The following HPCA variants were observed in gnomAD, a reference collection of about 807,000 sequenced individuals.
HPCA encodes the protein hippocalcin.
HPCA carries 4 observed loss-of-function variants against 18.2 expected under a neutral mutation model. The ratio of observed to expected loss-of-function variants is 0.22; its 90% CI spans 0.11 to 0.50. HPCA has a LOEUF of 0.50. HPCA is among the 20% of genes least tolerant of loss of function. The probability of loss-of-function intolerance (pLI) is 0.97; values close to 1 mark genes in which losing one functional copy is unlikely to be tolerated. For missense variants in HPCA, 161 were observed against 265.8 expected (o/e 0.61, Z 2.74); for synonymous variants, 93 against 103.5 (o/e 0.90, Z 0.61).
rs946986082 is a variant in HPCA at position 32,893,939 on chromosome 1, T to C, written c.*77T>C. On this transcript the variant is annotated 3_prime_UTR_variant, in exon 4 of 4. Transcript: ENST00000373467. This position sits in a 1 kb window ranked among gnomAD's most constrained non-coding sequence, Gnocchi z 7.5. ...TTAGCTTCCACTCCCTTGTGTGTAT[T>C]CTGGCTGGGGGCCAGATTGGGGAAG... 4.5e-6 allele frequency: 5 copies of C among 1,106,720 alleles called. No homozygotes were observed. The African/African-American group carries it at 7.7e-5, about 17-fold the overall frequency. The allele number at this position is 1,106,720 out of a possible 1,614,324, so 68.6% of individuals were successfully genotyped here. A position where few individuals can be genotyped will look rare whatever the true frequency, so the allele number is the denominator to read the frequency against.
intron 2 of HPCA, among the ~76,000 whole-genome samples, chr1:32,892,819 C>A (rs1641477057): frequency 6.6e-6 from 1 of 152,204 alleles, no homozygotes; most frequent in South Asian, 2.1e-4. Flanking sequence ...ACCCAGGCTA[C>A]AGGCCAAGCC....
At position 32,889,411 on chromosome 1, in the gene HPCA, G is replaced by C. The variant is rs936560224; in HGVS notation, c.378+135G>C. ...TTCTTGCAATCCCATTTTAAAAATTGTTTTTAGGAAATATTTCCCATTTAA... is the reference window on the plus strand; with the variant it reads ...TTCTTGCAATCCCATTTTAAAAATTCTTTTTAGGAAATATTTCCCATTTAA... On this transcript the variant is annotated intron_variant, in intron 2 of 3. Coordinates refer to ENST00000373467, the MANE Select transcript of HPCA (RefSeq NM_002143.3). The surrounding 1 kb of genome is among the most constrained non-coding windows in gnomAD (Gnocchi z 4.6). 56 of 1,059,636 alleles carry C rather than the reference G, an allele frequency of 5.3e-5. No homozygotes were observed. Among genetic ancestry groups the C allele is most frequent in the Non-Finnish European group, 6.7e-5 (51 of 755,628 alleles). The allele number at this position is 1,059,636 out of a possible 1,614,324, so 65.6% of individuals were successfully genotyped here.
chr1:32,886,319 G>A (rs924412974), upstream of HPCA: 2 of 152,106 alleles, frequency 1.3e-5, no homozygotes, highest in African/African-American at 4.8e-5. This position sits in a 1 kb window ranked among gnomAD's most constrained non-coding sequence, Gnocchi z 7.0. Context: ...CTTCTCTCCG[G>A]GGCGGGGGTG....
chr1:32,886,687 C>T lies in HPCA; in HGVS notation c.-22+172C>T, dbSNP rs1468379629. On this transcript the variant is annotated intron_variant, in intron 1 of 3. Transcript: ENST00000373467. This position sits in a 1 kb window ranked among gnomAD's most constrained non-coding sequence, Gnocchi z 7.0. Reference sequence around the variant, plus strand: ...GAAGCGCGCGGTGCTCTCCAGGGTCCTGACCGCCGAGTGGCCGGCCCCTAG... The same window carrying T: ...GAAGCGCGCGGTGCTCTCCAGGGTCTTGACCGCCGAGTGGCCGGCCCCTAG... 6.6e-6 allele frequency among the ~76,000 whole-genome samples: 1 copy of T among 152,110 alleles called. No individual in the cohort carries two copies. Among genetic ancestry groups the T allele is most frequent in the Non-Finnish European group, 1.5e-5 (1 of 67,982 alleles).
chr1:32,888,879 T>C lies in HPCA; in HGVS notation c.-20T>C. The C allele has an allele frequency of 6.3e-7, 1 of 1,594,326 alleles. No individual in the cohort carries two copies. The highest frequency in any genetic ancestry group is 8.5e-7 in the Non-Finnish European group (1 of 1,170,204). ...CCCTTGACCCCCTTGGGGACCCAGGTGGGACTTGGCTCGGCGGCCATGGGC... is the reference window on the plus strand; with the variant it reads ...CCCTTGACCCCCTTGGGGACCCAGGCGGGACTTGGCTCGGCGGCCATGGGC... On this transcript the variant is annotated splice_region_variant and 5_prime_UTR_variant, in exon 2 of 4. Transcript: ENST00000373467.
intron 1 of HPCA, among the ~76,000 whole-genome samples, chr1:32,887,927 G>A (rs897661632): frequency 6.6e-6 from 1 of 152,124 alleles, no homozygotes; most frequent in Non-Finnish European, 1.5e-5. Flanking sequence ...ATGGGTGGGC[G>A]TGGGCTGGTA....
Position 32,893,673 on chromosome 1 carries a change from T to TGCCGG in HPCA, c.484+44_484+45insGCCGG. ...ACGGGGTGGACGGGGCGGGCGCCTT[T>TGCCGG]CCCTCCCTCCCTCCCTGCCTCCCTT... On this transcript the variant is annotated intron_variant, in intron 3 of 3. Transcript: ENST00000373467. This position sits in a 1 kb window ranked among gnomAD's most constrained non-coding sequence, Gnocchi z 7.5. The TGCCGG allele has an allele frequency of 7.6e-7, 1 of 1,314,130 alleles. No homozygotes were observed. 81.4% of individuals were successfully genotyped at this position (1,314,130 alleles called of 1,614,324 possible).
Position 32,893,890 on chromosome 1 carries a change from C to T in HPCA, c.*28C>T, listed in dbSNP as rs368463134. On this transcript the variant is annotated 3_prime_UTR_variant, in exon 4 of 4. Transcript: ENST00000373467. The surrounding 1 kb of genome is among the most constrained non-coding windows in gnomAD (Gnocchi z 7.5). ...GGAGCCAGGTTCCCCTTCCTCCCTCCCTTCACCGGCCCCCTCCCGGCTCTT... is the reference window on the plus strand; with the variant it reads ...GGAGCCAGGTTCCCCTTCCTCCCTCTCTTCACCGGCCCCCTCCCGGCTCTT... 48 of 1,440,334 alleles carry T rather than the reference C, an allele frequency of 3.3e-5. No homozygotes were observed. The African/African-American group carries it at 6.8e-4, about 20-fold the overall frequency. 89.2% of individuals were successfully genotyped at this position (1,440,334 alleles called of 1,614,324 possible). A position where few individuals can be genotyped will look rare whatever the true frequency, so the allele number is the denominator to read the frequency against.
At position 32,889,917 on chromosome 1, in the gene HPCA, C is replaced by T. The variant is rs545246295; in HGVS notation, c.378+641C>T. On this transcript the variant is annotated intron_variant, in intron 2 of 3. Coordinates refer to ENST00000373467, the MANE Select transcript of HPCA (RefSeq NM_002143.3). The surrounding 1 kb of genome is among the most constrained non-coding windows in gnomAD (Gnocchi z 4.6). ...TGATCCTCATTTACACCAGAGGAAA[C>T]GGATGCTCAGAGAGATAAAGGCACT... Among the ~76,000 whole-genome samples the T allele has an allele frequency of 1.1e-4, 17 of 152,318 alleles. No individual in the cohort carries two copies. The South Asian group carries it at 1.9e-3, about 17-fold the overall frequency.
At chr1:32,888,032 T>G (rs1641399341) in intron 1 of HPCA, among the ~76,000 whole-genome samples, 1 of 152,220 alleles carries the variant, frequency 6.6e-6, no homozygotes, top group African/African-American at 2.4e-5. Flanking sequence ...GCATGAGTTT[T>G]GTGGCACCTG....
rs367665276 is a variant in HPCA, at chr1:32,889,270, C to T, written c.372C>T (p.Ile124=). 35 of 1,610,380 alleles carry T rather than the reference C, an allele frequency of 2.2e-5. No homozygotes were observed. Among genetic ancestry groups the T allele is most frequent in the African/African-American group, 1.6e-4 (12 of 74,890 alleles). Residue 124 remains isoleucine, a synonymous_variant, in exon 2 of 4, where the codon ATC becomes ATT. Coordinates refer to ENST00000373467, the MANE Select transcript of HPCA (RefSeq NM_002143.3). This position sits in a 1 kb window ranked among gnomAD's most constrained non-coding sequence, Gnocchi z 4.6. The part of the protein sequence containing the change: ...GYISREEMLE[I]VQAIYKMVSS... ...TCAGCCGGGAGGAGATGCTGGAGAT[C>T]GTGCAGGTGGGCCCCTGGGCCCCTC... is the stretch of plus-strand genomic sequence containing the variant.
intron 1 of HPCA, 34 bp from the exon 2 acceptor site, chr1:32,888,844 C>T: frequency 6.4e-7 from 1 of 1,555,442 alleles, no homozygotes; most frequent in Admixed American, 1.8e-5. Flanking sequence ...GGCCTGATCA[C>T]TCCTCTCTGC....
rs1411412564 is a variant in HPCA, at chr1:32,893,800, A to G, written c.520A>G (p.Lys174Glu). The change falls in exon 4 of 4, where the codon AAA becomes GAA. Residue 174 changes from lysine (K) to glutamate (E), a missense_variant. Coordinates refer to ENST00000373467, the MANE Select transcript of HPCA (RefSeq NM_002143.3). This position sits in a 1 kb window ranked among gnomAD's most constrained non-coding sequence, Gnocchi z 7.5. ...LSLEEFIRGA[K>E]SDPSIVRLLQ... The stretch of plus-strand genomic sequence containing the variant: ...CTTGGAGGAGTTCATCCGCGGGGCC[A>G]AAAGCGACCCGTCCATCGTGCGTCT... The G allele has an allele frequency of 1.9e-6, 3 of 1,580,570 alleles. No homozygotes were observed. Among genetic ancestry groups the G allele is most frequent in the Non-Finnish European group, 2.6e-6 (3 of 1,164,184 alleles).
Position 32,893,654 on chromosome 1 carries a change from TG to T in HPCA, c.484+27del, listed in dbSNP as rs751112623. On this transcript the variant is annotated intron_variant, in intron 3 of 3. Transcript: ENST00000373467. The surrounding 1 kb of genome is among the most constrained non-coding windows in gnomAD (Gnocchi z 7.5). Reference sequence around the variant, plus strand: ...GGTGAGGGGCAGGGGCGGGACGGGGTGGACGGGGCGGGCGCCTTTCCCTCCC... The same window carrying T: ...GGTGAGGGGCAGGGGCGGGACGGGGTGACGGGGCGGGCGCCTTTCCCTCCC... The T allele has an allele frequency of 3.5e-6, 5 of 1,443,590 alleles. No individual in the cohort carries two copies. The highest frequency in any genetic ancestry group is 3.9e-6 in the Non-Finnish European group (4 of 1,026,004). The allele number at this position is 1,443,590 out of a possible 1,614,324, so 89.4% of individuals were successfully genotyped here. A position where few individuals can be genotyped will look rare whatever the true frequency, so the allele number is the denominator to read the frequency against.
chr1:32,889,256 G>A lies in HPCA; in HGVS notation c.358G>A (p.Glu120Lys). 1 of 1,612,562 alleles carries A rather than the reference G, an allele frequency of 6.2e-7. No homozygotes were observed. Among genetic ancestry groups the A allele is most frequent in the Non-Finnish European group, 8.5e-7 (1 of 1,178,692 alleles). Residue 120 changes from glutamate (E) to lysine (K), a missense_variant, in exon 2 of 4, where the codon GAG (glutamate) becomes AAG (lysine). Transcript: ENST00000373467. The surrounding 1 kb of genome is among the most constrained non-coding windows in gnomAD (Gnocchi z 4.6). ...CGGCAACGGCTACATCAGCCGGGAG[G>A]AGATGCTGGAGATCGTGCAGGTGGG... ...LDGNGYISRE[E>K]MLEIVQAIYK...
intron 1 of HPCA, among the ~76,000 whole-genome samples, chr1:32,887,170 T>A (rs1284371): frequency 0.17 from 25,982 of 152,096 alleles, 2,734 homozygotes; most frequent in Middle Eastern, 0.27. Context: ...GAAACATGCA[T>A]GTGACACACC....
Position 32,889,161 on chromosome 1 carries a change from C to A in HPCA, c.263C>A (p.Ala88Glu). 2 of 1,614,262 alleles carry A rather than the reference C, an allele frequency of 1.2e-6. No homozygotes were observed. The highest frequency in any genetic ancestry group is 1.7e-6 in the Non-Finnish European group (2 of 1,180,048). The change falls in exon 2 of 4, where the codon GCG (alanine) becomes GAG (glutamate). Residue 88 changes from alanine (A) to glutamate (E), a missense_variant. By Grantham distance (107) the Ala-to-Glu change is moderately radical (BLOSUM62 -1). Transcript: ENST00000373467. The surrounding 1 kb of genome is among the most constrained non-coding windows in gnomAD (Gnocchi z 4.6). ...ATAGACTTTCGGGAGTTCATCATTG[C>A]GCTGAGCGTGACCTCGCGCGGCCGC... ...GTIDFREFII[A>E]LSVTSRGRLE...
rs1318375861 is a variant in HPCA at position 32,894,155 on chromosome 1, C to G, written c.*293C>G. Reference sequence around the variant, plus strand: ...CAGCCCCAAGGCCCGACCCCTCCCCCAAAGGGGCAGTCCCCTTCTTGCAGG... The same window carrying G: ...CAGCCCCAAGGCCCGACCCCTCCCCGAAAGGGGCAGTCCCCTTCTTGCAGG... On this transcript the variant is annotated 3_prime_UTR_variant, in exon 4 of 4. Transcript: ENST00000373467. The G allele has an allele frequency of 2.4e-6, 1 of 412,958 alleles. No homozygotes were observed. Among genetic ancestry groups the G allele is most frequent in the Non-Finnish European group, 4.4e-6 (1 of 229,158 alleles). 25.6% of individuals were successfully genotyped at this position (412,958 alleles called of 1,614,324 possible). A position where few individuals can be genotyped will look rare whatever the true frequency, so the allele number is the denominator to read the frequency against.
At chr1:32,886,480 G>A (rs997015213), upstream of HPCA, 1 of 152,382 alleles carries the variant, frequency 6.6e-6, no homozygotes, top group Non-Finnish European at 1.5e-5. This position sits in a 1 kb window ranked among gnomAD's most constrained non-coding sequence, Gnocchi z 7.0. Context: ...CAGCAGCGCC[G>A]CCTTCCCTGC....
Sources: allele counts gnomAD v4.1 joint callset (sites outside exome capture counted in the v4.1 genomes callset), GRCh38; gene constraint gnomAD v4.1.1; non-coding constraint Gnocchi (gnomAD v3.1); transcripts MANE v1.5; gene names NCBI Gene and HGNC (gene_info 2026-07-23, HGNC 2026-07-21).